Variants in METAP1 observed in about 807,000 individuals in gnomAD.
METAP1 encodes the protein methionine aminopeptidase 1.
METAP1 carries 28 observed loss-of-function variants against 53.8 expected under a neutral mutation model. The ratio of observed to expected loss-of-function variants is 0.52; its 90% CI spans 0.39 to 0.71. METAP1 has a LOEUF of 0.71. Ranked by LOEUF, METAP1 falls within the 30% of genes least tolerant of loss-of-function variation. The pLI, the probability that METAP1 is intolerant of heterozygous loss-of-function variation, is 0.00. For synonymous variants in METAP1, 181 were observed against 165.7 expected (o/e 1.09, Z -0.71); for missense variants, 389 against 479.8 (o/e 0.81, Z 1.77).
Position 99,026,366 on chromosome 4 carries a change from G to A in METAP1, c.115-2501G>A, listed in dbSNP as rs967977753. ...GTGCTGTTCAGCGAGTATTGAATAAGTACATGTGACATGTTAAGCTTGTGT... is the reference window on the plus strand; with the variant it reads ...GTGCTGTTCAGCGAGTATTGAATAAATACATGTGACATGTTAAGCTTGTGT... On this transcript the variant is annotated intron_variant, in intron 1 of 10. Transcript: ENST00000296411. 3 of 985,322 alleles carry A rather than the reference G, an allele frequency of 3.0e-6. No individual in the cohort carries two copies. In the African/African-American group the frequency reaches 5.2e-5, roughly 17 times the overall value. The allele number at this position is 985,322 out of a possible 1,614,324, so 61.0% of individuals were successfully genotyped here.
intron 7 of METAP1, among the ~76,000 whole-genome samples, chr4:99,044,608 A>G (rs971284435): frequency 1.3e-5 from 2 of 152,020 alleles, no homozygotes; most frequent in East Asian, 1.9e-4. Context: ...AAAATACTCA[A>G]TGTGCTCTCT....
chr4:99,021,056 G>C (rs1724077949), intron 1 of METAP1, among the ~76,000 whole-genome samples: 1 of 152,126 alleles, frequency 6.6e-6, no homozygotes, highest in Non-Finnish European at 1.5e-5. Context: ...TATCTTGTCT[G>C]CTCAAATGTA....
At chr4:99,013,095 ACTTTTT>A (rs1723566692) in intron 1 of METAP1, among the ~76,000 whole-genome samples, 2 of 152,104 alleles carry the variant, frequency 1.3e-5, no homozygotes. Flanking sequence ...TTCCCTTGTG[ACTTTTT>A]CTTTGACACA....
chr4:99,033,344 G>C (rs1429157957), intron 2 of METAP1, among the ~76,000 whole-genome samples: 1 of 151,926 alleles, frequency 6.6e-6, no homozygotes, highest in East Asian at 1.9e-4. Flanking sequence ...AAAGGTCTGA[G>C]TGCACTGGGA....
In METAP1 at chr4:99,022,379, C is replaced by G. The variant is rs537479419; in HGVS notation, c.115-6488C>G. 8 of 870,952 alleles carry G rather than the reference C, an allele frequency of 9.2e-6. No individual in the cohort carries two copies. In the Admixed American group the frequency reaches 1.4e-4, roughly 16 times the overall value. 54.0% of individuals were successfully genotyped at this position (870,952 alleles called of 1,614,324 possible). The stretch of plus-strand genomic sequence containing the variant: ...GGTGGCGGGGCTCCAAAGATCCTGG[C>G]CAGGAGTGCTTTGTTGGAGTGGGCC... On this transcript the variant is annotated intron_variant, in intron 1 of 10. Transcript: ENST00000296411.
intron 1 of METAP1, among the ~76,000 whole-genome samples, chr4:99,003,319 C>T (rs1723007716): frequency 6.6e-6 from 1 of 152,216 alleles, no homozygotes; most frequent in African/African-American, 2.4e-5. Context: ...AAAACGCAAA[C>T]CAATCTTTGC....
chr4:99,039,941 G>A (rs1012486851), intron 5 of METAP1, among the ~76,000 whole-genome samples: 3 of 152,086 alleles, frequency 2.0e-5, no homozygotes, highest in Non-Finnish European at 4.4e-5. Flanking sequence ...TGGCCAGGCT[G>A]GTCTCTAACT....
rs777817374 is a variant in METAP1, at chr4:99,043,232, T to C, written c.517-17T>C. On this transcript the variant is annotated splice_polypyrimidine_tract_variant and intron_variant, in intron 6 of 10. Coordinates refer to ENST00000296411, the MANE Select transcript of METAP1 (RefSeq NM_015143.3). Reference sequence around the variant, plus strand: ...TTTTTCTTTTATATATTCCAAATTATTTTTTCTGTATTATAGGCATGTATT... The same window carrying C: ...TTTTTCTTTTATATATTCCAAATTACTTTTTCTGTATTATAGGCATGTATT... The C allele has an allele frequency of 2.7e-6, 4 of 1,502,192 alleles. No individual in the cohort carries two copies. The highest frequency in any genetic ancestry group is 3.6e-6 in the Non-Finnish European group (4 of 1,114,820). The allele number at this position is 1,502,192 out of a possible 1,614,324, so 93.1% of individuals were successfully genotyped here.
chr4:99,002,618 A>T (rs1190430174), intron 1 of METAP1, among the ~76,000 whole-genome samples: 1 of 152,108 alleles, frequency 6.6e-6, no homozygotes, highest in Non-Finnish European at 1.5e-5. Flanking sequence ...CACCTTATGG[A>T]TGAAACTAGG....
At chr4:98,996,690 C>A (rs1722650310) in intron 1 of METAP1, among the ~76,000 whole-genome samples, 1 of 152,094 alleles carries the variant, frequency 6.6e-6, no homozygotes, top group Admixed American at 6.6e-5. Flanking sequence ...TGAATGGGGT[C>A]CAGACTGAAG....
At chr4:99,043,205 AT>A in intron 6 of METAP1, 43 bp from the exon 7 acceptor site, 3 of 1,392,208 alleles carry the variant, frequency 2.2e-6, no homozygotes, top group Non-Finnish European at 2.9e-6. Flanking sequence ...TTTCATACAG[AT>A]TTTTTCTTTT....
chr4:99,017,281 A>G (rs1364790247), intron 1 of METAP1, among the ~76,000 whole-genome samples: 1 of 152,208 alleles, frequency 6.6e-6, no homozygotes, highest in African/African-American at 2.4e-5. Context: ...CGCTACCCCA[A>G]AAGCATACTT....
chr4:99,028,483 T>C (rs1009991198), intron 1 of METAP1, among the ~76,000 whole-genome samples: 1 of 152,146 alleles, frequency 6.6e-6, no homozygotes, highest in Non-Finnish European at 1.5e-5. Context: ...GTATGACTGA[T>C]TGGGAATCTA....
intron 8 of METAP1, among the ~76,000 whole-genome samples, chr4:99,048,360 A>G (rs999868695): frequency 6.6e-6 from 1 of 151,656 alleles, no homozygotes; most frequent in Non-Finnish European, 1.5e-5. Flanking sequence ...GCACAAAGAT[A>G]GTAATTACTT....
At chr4:99,048,242 T>C (rs1290282165) in intron 8 of METAP1, among the ~76,000 whole-genome samples, 1 of 152,236 alleles carries the variant, frequency 6.6e-6, no homozygotes, top group African/African-American at 2.4e-5. Flanking sequence ...GAACTACAGA[T>C]GCCCTTGGTT....
At chr4:99,014,984 A>T (rs1723673978) in intron 1 of METAP1, among the ~76,000 whole-genome samples, 2 of 152,184 alleles carry the variant, frequency 1.3e-5, no homozygotes, top group Non-Finnish European at 2.9e-5. Context: ...GTACTTCAGG[A>T]TATAGCAGAG....
intron 2 of METAP1, among the ~76,000 whole-genome samples, chr4:99,029,377 T>C (rs115837195): frequency 1.3e-5 from 2 of 152,206 alleles, no homozygotes; most frequent in African/African-American, 4.8e-5. Context: ...TGCAGTCTTA[T>C]GTTTAATTTT....
At position 99,010,315 on chromosome 4, in the gene METAP1, G is replaced by A. The variant is rs537670528; in HGVS notation, c.114+14448G>A. Among the ~76,000 whole-genome samples the A allele has an allele frequency of 6.6e-5, 10 of 152,254 alleles. No homozygotes were observed. The East Asian group carries it at 9.7e-4, about 15-fold the overall frequency. The stretch of plus-strand genomic sequence containing the variant: ...CAAAGAATACAAAAATTAGCCAGGC[G>A]TGTTGGCATGCGCCTGTAGTGCCAA... On this transcript the variant is annotated intron_variant, in intron 1 of 10. Transcript: ENST00000296411.
chr4:99,023,054 C>T, intron 1 of METAP1: 2 of 1,373,590 alleles, frequency 1.5e-6, no homozygotes, highest in Non-Finnish European at 2.0e-6. Flanking sequence ...TCCTGCTCCT[C>T]CTCCACATCT....
Sources: allele counts gnomAD v4.1 joint callset (sites outside exome capture counted in the v4.1 genomes callset), GRCh38; gene constraint gnomAD v4.1.1; transcripts MANE v1.5; gene names NCBI Gene and HGNC (gene_info 2026-07-23, HGNC 2026-07-21).